Variants in GRIP1 observed in about 807,000 individuals in gnomAD.
GRIP1 encodes the protein glutamate receptor-interacting protein 1.
GRIP1 carries 45 observed loss-of-function variants against 129.9 expected under a neutral mutation model. That is an observed-to-expected ratio of 0.35 (90% CI 0.27 to 0.44). GRIP1 has a LOEUF of 0.44. GRIP1 is among the 20% of genes least tolerant of loss of function. The pLI, the probability that GRIP1 is intolerant of heterozygous loss-of-function variation, is 1.00. For missense variants in GRIP1, 1,196 were observed against 1,396.8 expected, an observed-to-expected ratio of 0.86 and a Z score of 2.29; for synonymous variants, 530 against 520.8, an observed-to-expected ratio of 1.02 and a Z score of -0.24.
intron 1 of GRIP1, among the ~76,000 whole-genome samples, chr12:66,715,483 A>G (rs900962088): frequency 1.0e-4 from 6 of 58,654 alleles, no homozygotes; most frequent in African/African-American, 3.8e-4. Context: ...AGAGAGAGAG[A>G]GAGAGAGAGA....
At chr12:66,854,530 C>A (rs964012725) in intron 1 of GRIP1, among the ~76,000 whole-genome samples, 2 of 151,928 alleles carry the variant, frequency 1.3e-5, no homozygotes, top group Non-Finnish European at 2.9e-5. Context: ...CTATTATATG[C>A]CAGGTTCTTA....
At chr12:66,367,930 C>T (rs1351001165) in intron 23 of GRIP1, among the ~76,000 whole-genome samples, 2 of 152,218 alleles carry the variant, frequency 1.3e-5, no homozygotes, top group African/African-American at 4.8e-5. Flanking sequence ...TTTCTTTGTT[C>T]TCCAGTGTCA....
intron 1 of GRIP1, among the ~76,000 whole-genome samples, chr12:66,944,316 G>A (rs537845062): frequency 3.9e-5 from 6 of 152,248 alleles, no homozygotes; most frequent in African/African-American, 4.8e-5. Context: ...GAGTTAGAGC[G>A]TGACTGATAG....
chr12:66,814,606 A>G (rs934745394), intron 1 of GRIP1, among the ~76,000 whole-genome samples: 3 of 148,344 alleles, frequency 2.0e-5, no homozygotes, highest in African/African-American at 4.9e-5. Context: ...AAAAAAAAAA[A>G]GCAATGACCA....
At chr12:66,779,611 C>T (rs1254205561) in intron 1 of GRIP1, among the ~76,000 whole-genome samples, 1 of 152,136 alleles carries the variant, frequency 6.6e-6, no homozygotes, top group African/African-American at 2.4e-5. Context: ...ATCATACAAT[C>T]GGGAAACCTG....
chr12:66,349,369 G>T lies in GRIP1; in HGVS notation c.3160-123C>A, dbSNP rs1202654957. 18 of 757,970 alleles carry T rather than the reference G, an allele frequency of 2.4e-5. No individual in the cohort carries two copies. The East Asian group carries it at 4.5e-4, about 19-fold the overall frequency. 47.0% of individuals were successfully genotyped at this position (757,970 alleles called of 1,614,324 possible). On this transcript the variant is annotated intron_variant, in intron 24 of 24. Coordinates refer to ENST00000359742, the MANE Select transcript of GRIP1 (RefSeq NM_001366722.1). ...GAAGGTGCTAAAATGAGCGCCATGA[G>T]GTCTATCCTTGTGACTATGCTGTGA...
chr12:66,915,716 T>C (rs2041110055), intron 1 of GRIP1, among the ~76,000 whole-genome samples: 1 of 152,244 alleles, frequency 6.6e-6, no homozygotes, highest in South Asian at 2.1e-4. Context: ...AATGAACTTG[T>C]GAGGCCTCAA....
At chr12:66,502,253 C>T in intron 7 of GRIP1, among the ~76,000 whole-genome samples, 1 of 152,122 alleles carries the variant, frequency 6.6e-6, no homozygotes, top group East Asian at 1.9e-4. Context: ...CTGATTCTAT[C>T]ACAATGGATA....
intron 1 of GRIP1, among the ~76,000 whole-genome samples, chr12:66,762,975 C>T (rs994262044): frequency 9.9e-5 from 15 of 152,096 alleles, no homozygotes; most frequent in African/African-American, 3.6e-4. Context: ...ACAGAGCAGT[C>T]ACTGATCATC....
chr12:66,890,786 T>A (rs2040645874), intron 1 of GRIP1, among the ~76,000 whole-genome samples: 1 of 152,194 alleles, frequency 6.6e-6, no homozygotes, highest in Non-Finnish European at 1.5e-5. Context: ...AAGAAGAATT[T>A]TAGCAAGAGG....
intron 2 of GRIP1, among the ~76,000 whole-genome samples, chr12:66,542,392 A>G (rs2061811946): frequency 6.6e-6 from 1 of 152,208 alleles, no homozygotes; most frequent in Admixed American, 6.5e-5. Flanking sequence ...CAGGTTAGGA[A>G]GCCAACTGAA....
chr12:66,497,826 C>T lies in GRIP1; in HGVS notation c.724+17793G>A, dbSNP rs566530588. On this transcript the variant is annotated intron_variant, in intron 7 of 24. Coordinates refer to ENST00000359742, the MANE Select transcript of GRIP1 (RefSeq NM_001366722.1). ...GCCATCGCATCCCCTGTGACTTGCA[C>T]GTATACGCCCAGATGGCCTGAAGTA... Among the ~76,000 whole-genome samples the T allele has an allele frequency of 2.3e-4, 35 of 152,236 alleles. 1 individual carries two copies. Among genetic ancestry groups the T allele is most frequent in the African/African-American group, 6.7e-4 (28 of 41,544 alleles).
At chr12:66,604,646 C>T (rs969699990) in intron 1 of GRIP1, among the ~76,000 whole-genome samples, 1 of 152,158 alleles carries the variant, frequency 6.6e-6, no homozygotes, top group Non-Finnish European at 1.5e-5. Context: ...CATTTTCAGT[C>T]TCTCATAGGT....
intron 2 of GRIP1, among the ~76,000 whole-genome samples, chr12:66,565,802 G>T (rs940359257): frequency 6.6e-6 from 1 of 152,112 alleles, no homozygotes; most frequent in Admixed American, 6.5e-5. Context: ...TTATTTCGTT[G>T]AGCAGTGGTT....
intron 11 of GRIP1, among the ~76,000 whole-genome samples, chr12:66,447,527 TC>T (rs2058665949): frequency 6.6e-6 from 1 of 152,248 alleles, no homozygotes. Flanking sequence ...TGACGAGAGT[TC>T]CTTAAACAAC....
At chr12:66,925,491 G>A (rs1181073632) in intron 1 of GRIP1, among the ~76,000 whole-genome samples, 1 of 152,186 alleles carries the variant, frequency 6.6e-6, no homozygotes, top group African/African-American at 2.4e-5. Context: ...GAGGGATGCA[G>A]AATGTCAGGA....
At chr12:66,948,281 A>G (rs1290557547) in intron 1 of GRIP1, among the ~76,000 whole-genome samples, 1 of 152,108 alleles carries the variant, frequency 6.6e-6, no homozygotes, top group Non-Finnish European at 1.5e-5. Flanking sequence ...TTTTTTAGCA[A>G]CCTTCTCAGA....
chr12:66,710,915 C>A (rs999164279), intron 1 of GRIP1, among the ~76,000 whole-genome samples: 1 of 151,782 alleles, frequency 6.6e-6, no homozygotes, highest in Non-Finnish European at 1.5e-5. Context: ...GATCACTTCA[C>A]ATAGTATATG....
intron 1 of GRIP1, among the ~76,000 whole-genome samples, chr12:66,631,318 C>A (rs953875242): frequency 2.6e-5 from 4 of 152,140 alleles, no homozygotes; most frequent in African/African-American, 7.2e-5. Flanking sequence ...TTGAAAAAAA[C>A]CGCTGAAGCT....
Sources: gnomAD v4.1 joint callset for allele counts (sites outside exome capture counted in the v4.1 genomes callset) on GRCh38, gnomAD v4.1.1 for gene constraint, MANE v1.5 for transcripts, NCBI Gene and HGNC (gene_info 2026-07-23, HGNC 2026-07-21) for gene names.